The following SETD1B variants were observed in gnomAD, a reference collection of about 807,000 sequenced individuals.
SETD1B encodes SET domain containing 1B, histone lysine methyltransferase.
A neutral mutation model predicts 148.0 loss-of-function variants in SETD1B; 7 were observed. The observed-to-expected ratio is 0.05, with a 90% CI of 0.03 to 0.09. SETD1B has a LOEUF of 0.09. Ranked by LOEUF, SETD1B falls within the 10% of genes least tolerant of loss-of-function variation. The probability of loss-of-function intolerance (pLI) is 1.00; values close to 1 mark genes in which losing one functional copy is unlikely to be tolerated. For synonymous variants in SETD1B, 1,361 were observed against 1,186.5 expected (o/e 1.15, Z -3.02); for missense variants, 2,155 against 2,729.9 (o/e 0.79, Z 4.69).
chr12:121,819,195 G>C (rs1405607993), intron 10 of SETD1B, among the ~76,000 whole-genome samples: 1 of 152,182 alleles, frequency 6.6e-6, no homozygotes, highest in African/African-American at 2.4e-5. Context: ...AGTGAGCCGA[G>C]ATCGTGCCAC....
In SETD1B at chr12:121,808,214, C is replaced by A; in HGVS notation, c.551C>A (p.Thr184Asn). ...CTTTCCTGCCCATCTACAGGGGAAA[C>A]CCGAATGCGGTTCTATGAACTGTTG... is the stretch of plus-strand genomic sequence containing the variant. ...IHVELDTKGE[T>N]RMRFYELLVT... Residue 184 changes from threonine (T) to asparagine (N), a missense_variant, in exon 5 of 17, where the codon ACC becomes AAC. Coordinates refer to ENST00000604567, the MANE Select transcript of SETD1B (RefSeq NM_001353345.2). This position sits in a 1 kb window ranked among gnomAD's most constrained non-coding sequence, Gnocchi z 5.3. 1.3e-6 allele frequency: 2 copies of A among 1,551,182 alleles called. No individual in the cohort carries two copies. Among genetic ancestry groups the A allele is most frequent in the Non-Finnish European group, 1.7e-6 (2 of 1,146,680 alleles).
rs769949938 is a variant in SETD1B, at chr12:121,819,552, A to AGAG, written c.3580_3582dup (p.Glu1194dup). ...TAGTGGCCAGGGAAGAGGAGGAAGA[A>AGAG]GAGGAGGAGGAGGAGATGGTGGCCG... On this transcript the variant is annotated inframe_insertion, in exon 11 of 17. Coordinates refer to ENST00000604567, the MANE Select transcript of SETD1B (RefSeq NM_001353345.2). The AGAG allele has an allele frequency of 4.5e-6, 7 of 1,552,062 alleles. No homozygotes were observed. The South Asian group carries it at 8.3e-5, about 18-fold the overall frequency.
chr12:121,812,153 G>C (rs1351554246), intron 6 of SETD1B, among the ~76,000 whole-genome samples: 1 of 152,174 alleles, frequency 6.6e-6, no homozygotes, highest in East Asian at 1.9e-4. Context: ...GGCGCCCCCT[G>C]CTGGCGCCGG....
chr12:121,824,107 G>A (rs1398101855), intron 12 of SETD1B, among the ~76,000 whole-genome samples: 1 of 152,180 alleles, frequency 6.6e-6, no homozygotes, highest in African/African-American at 2.4e-5. Context: ...TGGTGAAGAT[G>A]GGGGCTATGA....
At chr12:121,793,876 C>T in the SETD1B span, 4 of 392,652 alleles carry the variant, frequency 1.0e-5, 1 homozygote, top group East Asian at 1.7e-4. Flanking sequence ...CAGCTGCGAG[C>T]AAAGCTCCCA....
chr12:121,792,301 A>G, the SETD1B span, among the ~76,000 whole-genome samples: 1 of 152,214 alleles, frequency 6.6e-6, no homozygotes, highest in Non-Finnish European at 1.5e-5. Context: ...AGGTGGGGTG[A>G]GGCCCCACCT....
At chr12:121,797,080 G>A in the SETD1B span, 1 of 223,448 alleles carries the variant, frequency 4.5e-6, no homozygotes, top group Non-Finnish European at 9.1e-6. Flanking sequence ...CCAGCGCTCA[G>A]GGGCAGGAGC....
chr12:121,829,920 G>C, intron 16 of SETD1B, 146 bp from the exon 17 acceptor site: 2 of 574,554 alleles, frequency 3.5e-6, no homozygotes, highest in Non-Finnish European at 5.7e-6. Context: ...GGGGTCGGGG[G>C]AGCCAAGGTC....
intron 12 of SETD1B, among the ~76,000 whole-genome samples, chr12:121,824,832 G>A (rs1876761136): frequency 1.3e-5 from 2 of 151,982 alleles, no homozygotes; most frequent in South Asian, 2.1e-4. Context: ...GGGAAACATA[G>A]CAAAACCCCA....
intron 7 of SETD1B, among the ~76,000 whole-genome samples, chr12:121,815,268 A>G (rs1460857598): frequency 6.6e-6 from 1 of 152,234 alleles, no homozygotes; most frequent in Non-Finnish European, 1.5e-5. Flanking sequence ...CTCTAAAAAT[A>G]AATGTGCAAA....
chr12:121,817,428 G>A lies in SETD1B; in HGVS notation c.3036G>A (p.Arg1012=). 6.5e-7 allele frequency: 1 copy of A among 1,540,732 alleles called. No homozygotes were observed. The highest frequency in any genetic ancestry group is 8.8e-7 in the Non-Finnish European group (1 of 1,139,162). ...MADTPCELAK[R]DPKGVGVRRR... is the part of the protein sequence containing the mutation. ...ACACCCCCTGTGAGCTCGCCAAGCG[G>A]GACCCCAAGGGCGTGGGTGTGCGGC... The change falls in exon 9 of 17, where the codon CGG becomes CGA. Residue 1012 remains arginine, a synonymous_variant. Transcript: ENST00000604567. The surrounding 1 kb of genome is among the most constrained non-coding windows in gnomAD (Gnocchi z 8.1).
At chr12:121,798,551 C>T in the SETD1B span, among the ~76,000 whole-genome samples, 14 of 152,364 alleles carry the variant, frequency 9.2e-5, no homozygotes, top group African/African-American at 3.4e-4. Context: ...ATCCTTATCA[C>T]TTTACAGGGA....
chr12:121,822,928 TC>T lies in SETD1B; in HGVS notation c.4353del (p.Thr1452LeufsTer64). On this transcript the variant is annotated frameshift_variant, in exon 12 of 17. Coordinates refer to ENST00000604567, the MANE Select transcript of SETD1B (RefSeq NM_001353345.2). LOFTEE classifies it high-confidence loss of function. ...CCCTTGCTCCTGCCCGTCTGCCCAC[TC>T]CCCACTGGCCGACGCGATGAACGCT... ...SGPLLLPVCP[L>X]PTGRRDERSG... The T allele has an allele frequency of 6.6e-7, 1 of 1,526,416 alleles. No individual in the cohort carries two copies. The allele number at this position is 1,526,416 out of a possible 1,614,324, so 94.6% of individuals were successfully genotyped here.
chr12:121,799,975 G>C (rs868172755), upstream of SETD1B: 4 of 152,336 alleles, frequency 2.6e-5, no homozygotes, highest in African/African-American at 9.7e-5. Context: ...GAGGAAGGTG[G>C]AGGGCGGATC....
chr12:121,822,419 G>A, intron 11 of SETD1B, 71 bp from the exon 12 acceptor site: 2 of 1,467,288 alleles, frequency 1.4e-6, no homozygotes, highest in East Asian at 2.5e-5. Context: ...CAGGTATGGA[G>A]CACAAAATAA....
In SETD1B at chr12:121,810,098, G is replaced by A. The variant is rs940820322; in HGVS notation, c.1153G>A (p.Ala385Thr). The A allele has an allele frequency of 1.0e-5, 16 of 1,549,976 alleles. No homozygotes were observed. The highest frequency in any genetic ancestry group is 2.4e-5 in the East Asian group (1 of 40,906). Residue 385 changes from alanine (A) to threonine (T), a missense_variant, in exon 6 of 17, where the codon GCC (alanine) becomes ACC (threonine). Transcript: ENST00000604567. The surrounding 1 kb of genome is among the most constrained non-coding windows in gnomAD (Gnocchi z 7.6). ...SATFAHTPPP[A>T]QATPAPGFKS... ...CACATTTGCCCACACTCCACCACCCGCCCAAGCAACCCCTGCTCCTGGATT... is the reference window on the plus strand; with the variant it reads ...CACATTTGCCCACACTCCACCACCCACCCAAGCAACCCCTGCTCCTGGATT...
chr12:121,824,032 A>G (rs1445961676), intron 12 of SETD1B, among the ~76,000 whole-genome samples: 3 of 152,226 alleles, frequency 2.0e-5, no homozygotes, highest in East Asian at 3.9e-4. Context: ...GCAGCTTAAC[A>G]GCACACACGG....
intron 12 of SETD1B, among the ~76,000 whole-genome samples, chr12:121,824,430 C>T (rs565791253): frequency 6.7e-4 from 102 of 152,138 alleles, no homozygotes; most frequent in East Asian, 3.1e-3. Context: ...ACGGATCACT[C>T]GAGGCCAGAA....
chr12:121,814,432 A>T lies in SETD1B; in HGVS notation c.2217A>T (p.Pro739=). The change falls in exon 7 of 17, where the codon CCA becomes CCT. Residue 739 remains proline (P), a synonymous_variant. Coordinates refer to ENST00000604567, the MANE Select transcript of SETD1B (RefSeq NM_001353345.2). Reference sequence around the variant, plus strand: ...CAGCGCCGCCTGGAGTCCCGCCCCCACCCATCCTGCCACCACTGCCCCCCT... The same window carrying T: ...CAGCGCCGCCTGGAGTCCCGCCCCCTCCCATCCTGCCACCACTGCCCCCCT... ...PLPAPPGVPP[P]PILPPLPPFP... 1.1e-6 allele frequency: 1 copy of T among 883,292 alleles called. No individual in the cohort carries two copies. Among genetic ancestry groups the T allele is most frequent in the Non-Finnish European group, 1.5e-6 (1 of 656,382 alleles). 54.7% of individuals were successfully genotyped at this position (883,292 alleles called of 1,614,324 possible). A position where few individuals can be genotyped will look rare whatever the true frequency, so the allele number is the denominator to read the frequency against.
Sources: allele counts gnomAD v4.1 joint callset (sites outside exome capture counted in the v4.1 genomes callset), GRCh38; gene constraint gnomAD v4.1.1; non-coding constraint Gnocchi (gnomAD v3.1); transcripts MANE v1.5; gene names NCBI Gene and HGNC (gene_info 2026-07-23, HGNC 2026-07-21).